Variants in KIAA1671 observed in about 807,000 individuals in gnomAD.
KIAA1671 encodes the protein uncharacterized protein KIAA1671.
Under a neutral mutation model 131.2 loss-of-function variants are expected in KIAA1671, and 52 were observed. That is an observed-to-expected ratio of 0.40 (90% CI 0.32 to 0.50). The LOEUF (loss-of-function observed/expected upper bound fraction) is 0.50, where lower values mean the gene tolerates loss of function less well. Ranked by LOEUF, KIAA1671 falls within the 20% of genes least tolerant of loss-of-function variation. KIAA1671 has a pLI of 0.73. For synonymous variants in KIAA1671, 1,003 were observed against 961.6 expected, an observed-to-expected ratio of 1.04 and a Z score of -0.80; for missense variants, 2,360 against 2,364.2, an observed-to-expected ratio of 1.00 and a Z score of 0.04.
At chr22:25,071,721 C>T (rs1019239172) in intron 6 of KIAA1671, among the ~76,000 whole-genome samples, 4 of 152,086 alleles carry the variant, frequency 2.6e-5, no homozygotes, top group Admixed American at 6.6e-5. Flanking sequence ...ATACAGTCCA[C>T]GGTCCCCAGA....
At chr22:25,096,967 G>C (rs1930421061) in intron 6 of KIAA1671, among the ~76,000 whole-genome samples, 1 of 152,172 alleles carries the variant, frequency 6.6e-6, no homozygotes, top group African/African-American at 2.4e-5. Flanking sequence ...CCCTTTATCA[G>C]AGCACTTTTC....
In KIAA1671 at chr22:25,130,983, A is replaced by AT. The variant is rs1932417978; in HGVS notation, c.4531-39829dup. 2.0e-5 allele frequency among the ~76,000 whole-genome samples: 3 copies of AT among 152,174 alleles called. No individual in the cohort carries two copies. The South Asian group carries it at 6.2e-4, about 32-fold the overall frequency. ...GACTAATATGATTTTGCTTAAAGAG[A>AT]TTTTTTTTCTAAAGCTCAAAAATGG... On this transcript the variant is annotated intron_variant, in intron 6 of 12. Coordinates refer to ENST00000358431, the MANE Select transcript of KIAA1671 (RefSeq NM_001145206.2).
At chr22:25,005,956 C>G (rs747174115) in intron 1 of KIAA1671, among the ~76,000 whole-genome samples, 3 of 152,216 alleles carry the variant, frequency 2.0e-5, no homozygotes, top group South Asian at 2.1e-4. Flanking sequence ...AACAGCATAC[C>G]TAGCATCGTG....
intron 6 of KIAA1671, among the ~76,000 whole-genome samples, chr22:25,131,511 G>A (rs557572347): frequency 6.6e-6 from 1 of 152,350 alleles, no homozygotes; most frequent in East Asian, 1.9e-4. Context: ...GAAAGTTAGG[G>A]ATGAAGTCAC....
rs1273660436 is a variant in KIAA1671, at chr22:25,039,675, G to A, written c.2545G>A (p.Val849Ile). 9.2e-6 allele frequency: 14 copies of A among 1,527,752 alleles called. No individual in the cohort carries two copies. Among genetic ancestry groups the A allele is most frequent in the Middle Eastern group, 1.7e-4 (1 of 5,904 alleles). The allele number at this position is 1,527,752 out of a possible 1,614,324, so 94.6% of individuals were successfully genotyped here. Reference sequence around the variant, plus strand: ...GCACTGTGCTCCCGGGGCCACCTCCGTCAGGGCTATCAAGGCTGCCATCTG... The same window carrying A: ...GCACTGTGCTCCCGGGGCCACCTCCATCAGGGCTATCAAGGCTGCCATCTG... ...EEHCAPGATS[V>I]RAIKAAIWES... The change falls in exon 5 of 13, where the codon GTC (valine) becomes ATC (isoleucine). Residue 849 changes from valine to isoleucine, a missense_variant. Transcript: ENST00000358431.
At chr22:25,141,264 ACT>A (rs1932802926) in intron 6 of KIAA1671, among the ~76,000 whole-genome samples, 1 of 151,696 alleles carries the variant, frequency 6.6e-6, no homozygotes, top group Non-Finnish European at 1.5e-5. Flanking sequence ...ACAGAGTCTC[ACT>A]CTGTCGCCCA....
chr22:25,000,183 T>G (rs1360447426), intron 1 of KIAA1671, among the ~76,000 whole-genome samples: 2 of 110,786 alleles, frequency 1.8e-5, no homozygotes, highest in East Asian at 2.9e-4. Flanking sequence ...GCTCCTCGCC[T>G]GTTTTTTTTT....
intron 12 of KIAA1671, 127 bp from the exon 13 acceptor site, chr22:25,192,279 T>C (rs1934694229): frequency 6.6e-6 from 1 of 152,160 alleles, no homozygotes; most frequent in African/African-American, 2.4e-5. Flanking sequence ...AAATCTCTTT[T>C]GTGACCTTAG....
At chr22:25,103,400 C>G (rs1002974586) in intron 6 of KIAA1671, among the ~76,000 whole-genome samples, 2 of 152,062 alleles carry the variant, frequency 1.3e-5, no homozygotes, top group African/African-American at 4.8e-5. Context: ...GCTCTGTTGC[C>G]CAGGCTGGAG....
chr22:25,121,146 G>A (rs1931921369), intron 6 of KIAA1671, among the ~76,000 whole-genome samples: 1 of 152,176 alleles, frequency 6.6e-6, no homozygotes, highest in African/African-American at 2.4e-5. Context: ...GGAGTGTTAC[G>A]TTTTCGGATT....
Position 25,181,743 on chromosome 22 carries a change from G to A in KIAA1671, c.5119G>A (p.Ala1707Thr), listed in dbSNP as rs940554469. 24 of 1,551,484 alleles carry A rather than the reference G, an allele frequency of 1.5e-5. No individual in the cohort carries two copies. The highest frequency in any genetic ancestry group is 2.1e-5 in the Non-Finnish European group (24 of 1,146,960). Residue 1707 changes from alanine (A) to threonine (T), a missense_variant, in exon 10 of 13, where the codon GCA (alanine) becomes ACA (threonine). Physicochemically the swap from Ala to Thr is moderately conservative, Grantham distance 58. This residue lies in a region of KIAA1671 where 1,161 missense variants were observed against 1,204.7 expected (regional missense o/e 0.96). Coordinates refer to ENST00000358431, the MANE Select transcript of KIAA1671 (RefSeq NM_001145206.2). Reference sequence around the variant, plus strand: ...GGAGGAGTCGGATGAGGAGGAGACGGCATCCAAAGCTGAGAGGACCCCTGT... The same window carrying A: ...GGAGGAGTCGGATGAGGAGGAGACGACATCCAAAGCTGAGAGGACCCCTGT... ...RKEESDEEET[A>T]SKAERTPVSH...
At chr22:25,065,228 T>A (rs1357785894) in intron 6 of KIAA1671, 1 of 152,046 alleles carries the variant, frequency 6.6e-6, no homozygotes, top group Non-Finnish European at 1.5e-5. Context: ...GATGACGTGC[T>A]GGTGGGGCTG....
chr22:24,984,701 C>T (rs1271086126), intron 1 of KIAA1671, among the ~76,000 whole-genome samples: 4 of 151,900 alleles, frequency 2.6e-5, no homozygotes, highest in Non-Finnish European at 4.4e-5. Flanking sequence ...ATCATGAGGT[C>T]GGGAGATTGA....
At chr22:25,093,731 A>T (rs879640233) in intron 6 of KIAA1671, among the ~76,000 whole-genome samples, 2,416 of 43,190 alleles carry the variant, frequency 0.056, 297 homozygotes, top group African/African-American at 0.12. Context: ...ACACACACAC[A>T]CACACACTCT....
chr22:25,117,597 A>ACG (rs1032788426), intron 6 of KIAA1671, among the ~76,000 whole-genome samples: 1 of 148,096 alleles, frequency 6.8e-6, no homozygotes, highest in African/African-American at 2.5e-5. Context: ...ACACACACAC[A>ACG]CACACACACA....
At chr22:25,070,127 G>T in intron 6 of KIAA1671, 1 of 369,696 alleles carries the variant, frequency 2.7e-6, no homozygotes, top group East Asian at 3.9e-5. Context: ...CCCACTGGAC[G>T]AGAAGCCAGA....
intron 6 of KIAA1671, among the ~76,000 whole-genome samples, chr22:25,097,977 C>T (rs879348418): frequency 3.3e-5 from 5 of 152,088 alleles, no homozygotes; most frequent in Non-Finnish European, 7.4e-5. Context: ...CTCAGGAGCC[C>T]GGACAACATC....
chr22:25,055,852 A>T (rs1927812742), intron 6 of KIAA1671: 1 of 149,290 alleles, frequency 6.7e-6, no homozygotes, highest in African/African-American at 2.4e-5. Context: ...AGATACAGAT[A>T]TAGAGAGAGA....
chr22:24,984,345 A>G (rs1923400868), intron 1 of KIAA1671, among the ~76,000 whole-genome samples: 1 of 152,188 alleles, frequency 6.6e-6, no homozygotes, highest in Non-Finnish European at 1.5e-5. Flanking sequence ...TCACACAGCT[A>G]GGGGAAAGAA....
Sources: allele counts gnomAD v4.1 joint callset (sites outside exome capture counted in the v4.1 genomes callset), GRCh38; gene constraint gnomAD v4.1.1; regional missense constraint gnomAD v4.1.1; transcripts MANE v1.5; gene names NCBI Gene and HGNC (gene_info 2026-07-23, HGNC 2026-07-21).